TNRC18: variants seen among roughly 807,000 people sequenced by gnomAD.
TNRC18 encodes the protein trinucleotide repeat containing 18.
In TNRC18, 69 loss-of-function variants were observed where a neutral mutation model predicts 226.7. The ratio of observed to expected loss-of-function variants is 0.30; its 90% CI spans 0.25 to 0.37. The LOEUF (loss-of-function observed/expected upper bound fraction) is 0.37, where lower values mean the gene tolerates loss of function less well. TNRC18 is among the 10% of genes least tolerant of loss of function. The pLI is 1.00. For missense variants in TNRC18, 4,754 were observed against 4,256.6 expected, an observed-to-expected ratio of 1.12 and a Z score of -3.25; for synonymous variants, 2,449 against 1,927.6, an observed-to-expected ratio of 1.27 and a Z score of -7.09.
intron 18 of TNRC18, among the ~76,000 whole-genome samples, chr7:5,333,374 G>C (rs376804999): frequency 6.6e-6 from 1 of 152,214 alleles, no homozygotes; most frequent in South Asian, 2.1e-4. Flanking sequence ...TGGGCAGGAC[G>C]GGCCCCACAC....
chr7:5,417,498 AC>A (rs1329283074), intron 2 of TNRC18, among the ~76,000 whole-genome samples: 2 of 152,104 alleles, frequency 1.3e-5, no homozygotes, highest in Non-Finnish European at 2.9e-5. Flanking sequence ...CAAACAAAAA[AC>A]ATTTCCTTCT....
chr7:5,391,658 CAAAG>C (rs1285367193), intron 3 of TNRC18, among the ~76,000 whole-genome samples: 2 of 147,040 alleles, frequency 1.4e-5, no homozygotes, highest in Non-Finnish European at 1.5e-5. Context: ...CCTTGCAGGA[CAAAG>C]AAAGAAGGGG....
At position 5,331,820 on chromosome 7, in the gene TNRC18, G is replaced by C. The variant is rs1027864299; in HGVS notation, c.6147+802C>G. 3.9e-5 allele frequency among the ~76,000 whole-genome samples: 6 copies of C among 152,308 alleles called. No homozygotes were observed. In the South Asian group the frequency reaches 1.2e-3, roughly 32 times the overall value. ...AGCTACTCAGGAGGCTGAGGTGGGAGGGCTGCTTGAGCCCAAGAGTTCAAG... is the reference window on the plus strand; with the variant it reads ...AGCTACTCAGGAGGCTGAGGTGGGACGGCTGCTTGAGCCCAAGAGTTCAAG... On this transcript the variant is annotated intron_variant, in intron 19 of 29. Coordinates refer to ENST00000430969, the MANE Select transcript of TNRC18 (RefSeq NM_001080495.3).
chr7:5,361,126 C>A (rs938042290), intron 14 of TNRC18, among the ~76,000 whole-genome samples: 1 of 152,200 alleles, frequency 6.6e-6, no homozygotes, highest in East Asian at 1.9e-4. Flanking sequence ...CGACCGCCGC[C>A]CGAGGAGGAG....
chr7:5,375,504 A>G (rs1794572758), intron 9 of TNRC18, among the ~76,000 whole-genome samples: 2 of 152,174 alleles, frequency 1.3e-5, no homozygotes, highest in Admixed American at 6.5e-5. Flanking sequence ...CAGGCCTGGC[A>G]GAGCTAAGAT....
chr7:5,396,795 C>T (rs757107940), intron 2 of TNRC18, among the ~76,000 whole-genome samples: 2 of 152,122 alleles, frequency 1.3e-5, no homozygotes, highest in African/African-American at 2.4e-5. Flanking sequence ...GAGATGTGGG[C>T]TCCTAGATGG....
rs542493780 is a variant in TNRC18, at chr7:5,313,817, G to C, written c.7074C>G (p.Pro2358=). The C allele has an allele frequency of 2.0e-6, 3 of 1,512,964 alleles. No individual in the cohort carries two copies. The highest frequency in any genetic ancestry group is 4.6e-5 in the East Asian group (2 of 43,822). The allele number at this position is 1,512,964 out of a possible 1,614,324, so 93.7% of individuals were successfully genotyped here. ...TCGGCTCCAGGGCTAAGGGGGTACTGGGGACCTCGTCTGTTGGGTTCCCCT... is the reference window on the plus strand; with the variant it reads ...TCGGCTCCAGGGCTAAGGGGGTACTCGGGACCTCGTCTGTTGGGTTCCCCT... ...LEEGNPTDEV[P]STPLALEPSS... Residue 2358 remains proline (P), a synonymous_variant, in exon 27 of 30, where the codon CCC becomes CCG. Coordinates refer to ENST00000430969, the MANE Select transcript of TNRC18 (RefSeq NM_001080495.3).
At chr7:5,420,131 G>A in intron 2 of TNRC18, 3 of 325,158 alleles carry the variant, frequency 9.2e-6, no homozygotes, top group African/African-American at 2.3e-5. Context: ...TGCAGCGGCC[G>A]CGGACTGACT....
chr7:5,416,709 T>C (rs1782212005), intron 2 of TNRC18, among the ~76,000 whole-genome samples: 1 of 150,474 alleles, frequency 6.6e-6, no homozygotes, highest in Non-Finnish European at 1.5e-5. Flanking sequence ...TAAAAAAAAT[T>C]AGCTGGGTGT....
intron 5 of TNRC18, among the ~76,000 whole-genome samples, chr7:5,384,040 C>T (rs1470509141): frequency 6.8e-6 from 1 of 146,930 alleles, no homozygotes; most frequent in Non-Finnish European, 1.5e-5. Flanking sequence ...TCTCAGCTCA[C>T]TGCAACCTCC....
chr7:5,307,432 C>G lies in TNRC18; in HGVS notation c.*674G>C. Reference sequence around the variant, plus strand: ...AGGCGTGGCCGGGCGACAGTTTCAGCACCATTGGGGTTTTCTGTAGTGTGA... The same window carrying G: ...AGGCGTGGCCGGGCGACAGTTTCAGGACCATTGGGGTTTTCTGTAGTGTGA... On this transcript the variant is annotated 3_prime_UTR_variant, in exon 30 of 30. Transcript: ENST00000430969. 2 of 349,420 alleles carry G rather than the reference C, an allele frequency of 5.7e-6. No individual in the cohort carries two copies. Among genetic ancestry groups the G allele is most frequent in the South Asian group, 4.0e-5 (2 of 49,770 alleles). 21.6% of individuals were successfully genotyped at this position (349,420 alleles called of 1,614,324 possible).
At chr7:5,405,702 C>G (rs1781420011) in intron 2 of TNRC18, among the ~76,000 whole-genome samples, 1 of 152,138 alleles carries the variant, frequency 6.6e-6, no homozygotes, top group Non-Finnish European at 1.5e-5. Context: ...GAGATCATAC[C>G]ACTGCACTCC....
At position 5,371,010 on chromosome 7, in the gene TNRC18, C is replaced by T. The variant is rs890201969; in HGVS notation, c.3584G>A (p.Gly1195Asp). The change falls in exon 11 of 30, where the codon GGT becomes GAT. Residue 1195 changes from glycine (G) to aspartate (D), a missense_variant. Gly to Asp is a moderately conservative substitution (Grantham distance 94). Coordinates refer to ENST00000430969, the MANE Select transcript of TNRC18 (RefSeq NM_001080495.3). Reference sequence around the variant, plus strand: ...GGCCTCCAACAGGCCACCTCCACAACCCCCTGCAGGGCTGGGGGTAGCCAT... The same window carrying T: ...GGCCTCCAACAGGCCACCTCCACAATCCCCTGCAGGGCTGGGGGTAGCCAT... ...EAMATPSPAG[G>D]CGGGLLEAQA... 3 of 1,608,150 alleles carry T rather than the reference C, an allele frequency of 1.9e-6. No individual in the cohort carries two copies. The highest frequency in any genetic ancestry group is 2.2e-5 in the East Asian group (1 of 44,870).
chr7:5,356,780 A>G lies in TNRC18; in HGVS notation c.5194+136T>C, dbSNP rs918154612. The G allele has an allele frequency of 3.5e-5, 44 of 1,258,202 alleles. No homozygotes were observed. In the African/African-American group the frequency reaches 6.6e-4, roughly 19 times the overall value. The allele number at this position is 1,258,202 out of a possible 1,614,324, so 77.9% of individuals were successfully genotyped here. On this transcript the variant is annotated intron_variant, in intron 16 of 29. Coordinates refer to ENST00000430969, the MANE Select transcript of TNRC18 (RefSeq NM_001080495.3). The stretch of plus-strand genomic sequence containing the variant: ...CTTGGAGGCCATGCCAAGCTCAGGC[A>G]CTGTAGTGCGCCCCAGAGAGAGAGC...
intron 2 of TNRC18, among the ~76,000 whole-genome samples, chr7:5,418,540 A>G (rs1562646475): frequency 6.6e-6 from 1 of 152,138 alleles, no homozygotes. Context: ...GGGGCTTTAT[A>G]AGCCCTGACA....
At chr7:5,378,487 C>T (rs572512690) in intron 5 of TNRC18, among the ~76,000 whole-genome samples, 2 of 150,994 alleles carry the variant, frequency 1.3e-5, no homozygotes, top group Admixed American at 1.3e-4. Flanking sequence ...GGCACGATCT[C>T]GGCTCACTGC....
At chr7:5,325,845 T>A (rs1788866831) in intron 19 of TNRC18, among the ~76,000 whole-genome samples, 1 of 145,138 alleles carries the variant, frequency 6.9e-6, no homozygotes, top group East Asian at 2.1e-4. Flanking sequence ...CACGTTATCC[T>A]CCTACCTCAG....
chr7:5,312,896 A>AGAGGAG lies in TNRC18; in HGVS notation c.7989_7994dup (p.Ser2670_Ser2671dup), dbSNP rs750976541. On this transcript the variant is annotated inframe_insertion, in exon 27 of 30. Transcript: ENST00000430969. This position sits in a 1 kb window ranked among gnomAD's most constrained non-coding sequence, Gnocchi z 6.3. ...CTGTGGTGGAGGAAGAAGAGGAGGA[A>AGAGGAG]GAGGAGGAGGAGGAGGAGGATGAGG... 4.8e-5 allele frequency: 73 copies of AGAGGAG among 1,511,914 alleles called. No individual in the cohort carries two copies. Among genetic ancestry groups the AGAGGAG allele is most frequent in the South Asian group, 1.2e-4 (9 of 75,130 alleles). The allele number at this position is 1,511,914 out of a possible 1,614,324, so 93.7% of individuals were successfully genotyped here. A position where few individuals can be genotyped will look rare whatever the true frequency, so the allele number is the denominator to read the frequency against.
intron 2 of TNRC18, among the ~76,000 whole-genome samples, chr7:5,411,606 A>G (rs1205792494): frequency 6.6e-6 from 1 of 152,076 alleles, no homozygotes; most frequent in Non-Finnish European, 1.5e-5. Context: ...TTTTCCAGGC[A>G]TACTAGGACC....
Sources: allele counts gnomAD v4.1 joint callset (sites outside exome capture counted in the v4.1 genomes callset), GRCh38; gene constraint gnomAD v4.1.1; non-coding constraint Gnocchi (gnomAD v3.1); transcripts MANE v1.5; gene names NCBI Gene and HGNC (gene_info 2026-07-23, HGNC 2026-07-21).